Variants in TMTC1 observed in about 807,000 individuals in gnomAD.
TMTC1 encodes the protein protein O-mannosyl-transferase TMTC1.
A neutral mutation model predicts 104.8 loss-of-function variants in TMTC1; 73 were observed. The observed-to-expected ratio is 0.70, with a 90% CI of 0.58 to 0.85. The LOEUF (loss-of-function observed/expected upper bound fraction) is 0.85, where lower values mean the gene tolerates loss of function less well. TMTC1 is among the 40% of genes least tolerant of loss of function. The probability of loss-of-function intolerance (pLI) is 0.00; values close to 1 mark genes in which losing one functional copy is unlikely to be tolerated. For synonymous variants in TMTC1, 434 were observed against 428.7 expected (o/e 1.01, Z -0.15); for missense variants, 1,035 against 1,096.1 (o/e 0.94, Z 0.79).
intron 7 of TMTC1, among the ~76,000 whole-genome samples, chr12:29,597,002 C>G (rs1360470583): frequency 1.3e-5 from 2 of 152,160 alleles, no homozygotes; most frequent in East Asian, 3.9e-4. Flanking sequence ...GCTCAGTTCC[C>G]AAGTCTCGCT....
chr12:29,753,061 T>C (rs2136976662), intron 4 of TMTC1, among the ~76,000 whole-genome samples: 1 of 152,350 alleles, frequency 6.6e-6, no homozygotes, highest in African/African-American at 2.4e-5. Flanking sequence ...TCTTAAAATT[T>C]AGGAATAAAC....
intron 5 of TMTC1, among the ~76,000 whole-genome samples, chr12:29,738,002 C>T (rs752350386): frequency 2.0e-5 from 3 of 152,194 alleles, no homozygotes; most frequent in Non-Finnish European, 4.4e-5. Context: ...TTATCCACTC[C>T]CTTTCTTCTC....
At chr12:29,737,223 T>C (rs1371289911) in intron 5 of TMTC1, among the ~76,000 whole-genome samples, 1 of 152,096 alleles carries the variant, frequency 6.6e-6, no homozygotes, top group African/African-American at 2.4e-5. Flanking sequence ...GCACCCAACA[T>C]GCAAAACAGG....
intron 6 of TMTC1, among the ~76,000 whole-genome samples, chr12:29,628,284 C>T (rs372887160): frequency 6.6e-6 from 1 of 152,066 alleles, no homozygotes. Context: ...AAATATTATT[C>T]AGCCATGAAA....
chr12:29,573,313 C>A (rs912338961), intron 8 of TMTC1, among the ~76,000 whole-genome samples: 10 of 152,150 alleles, frequency 6.6e-5, no homozygotes, highest in African/African-American at 2.4e-4. Flanking sequence ...CAGGCCCAAG[C>A]AGAATCATTA....
intron 5 of TMTC1, among the ~76,000 whole-genome samples, chr12:29,743,723 T>G (rs1942883678): frequency 6.6e-6 from 1 of 152,048 alleles, no homozygotes; most frequent in African/African-American, 2.4e-5. Flanking sequence ...ATCCCCTGAG[T>G]GTTTACAATG....
At chr12:29,763,609 T>C (rs772479086) in intron 2 of TMTC1, among the ~76,000 whole-genome samples, 9 of 152,158 alleles carry the variant, frequency 5.9e-5, no homozygotes, top group Non-Finnish European at 1.2e-4. Flanking sequence ...ACAAGGAAAC[T>C]GCATGCATCA....
At chr12:29,587,354 G>T (rs191221946) in intron 7 of TMTC1, among the ~76,000 whole-genome samples, 1 of 148,864 alleles carries the variant, frequency 6.7e-6, no homozygotes. Flanking sequence ...ATTTTTTTTA[G>T]ACAGGGACTC....
At chr12:29,637,871 A>T (rs1278912475) in intron 5 of TMTC1, among the ~76,000 whole-genome samples, 1 of 152,186 alleles carries the variant, frequency 6.6e-6, no homozygotes, top group African/African-American at 2.4e-5. Context: ...TAAAAAAGTT[A>T]TTGCTCATAG....
chr12:29,529,806 A>C (rs909807797), intron 11 of TMTC1: 6 of 152,198 alleles, frequency 3.9e-5, no homozygotes, highest in African/African-American at 1.4e-4. Context: ...TTAATCTGGC[A>C]TTCTTCCCCA....
chr12:29,774,269 G>A (rs967117349), intron 1 of TMTC1, among the ~76,000 whole-genome samples: 4 of 151,976 alleles, frequency 2.6e-5, no homozygotes, highest in African/African-American at 4.8e-5. Flanking sequence ...TCTAAACTAG[G>A]GCCCAGAGAT....
intron 5 of TMTC1, among the ~76,000 whole-genome samples, chr12:29,750,062 TACACAC>T (rs34859060): frequency 0.076 from 11,168 of 146,592 alleles, 630 homozygotes; most frequent in African/African-American, 0.16. Context: ...TAACTGTCTA[TACACAC>T]ACACACACAC....
Position 29,690,698 on chromosome 12 carries a change from T to C in TMTC1, c.939-57362A>G, listed in dbSNP as rs1941240819. On this transcript the variant is annotated intron_variant, in intron 5 of 17. Transcript: ENST00000539277. The stretch of plus-strand genomic sequence containing the variant: ...ACAGAATTAAACATTGACAAATATT[T>C]GTGTTTTCCCTATTCTTTGTGTTTC... Among the ~76,000 whole-genome samples the C allele has an allele frequency of 3.9e-5, 6 of 152,364 alleles. No homozygotes were observed. In the South Asian group the frequency reaches 1.2e-3, roughly 32 times the overall value.
At chr12:29,663,372 C>T (rs10161153) in intron 5 of TMTC1, among the ~76,000 whole-genome samples, 21,017 of 152,066 alleles carry the variant, frequency 0.14, 1,591 homozygotes, top group South Asian at 0.22. Context: ...TAAAAAGGCA[C>T]TTTCTGGGGT....
At chr12:29,700,117 C>T (rs143580006) in intron 5 of TMTC1, among the ~76,000 whole-genome samples, 4 of 152,050 alleles carry the variant, frequency 2.6e-5, no homozygotes, top group African/African-American at 9.6e-5. Flanking sequence ...GGTGTGATCA[C>T]AGCTCACTGC....
chr12:29,578,369 T>C (rs1945882666), intron 8 of TMTC1, among the ~76,000 whole-genome samples: 1 of 152,168 alleles, frequency 6.6e-6, no homozygotes, highest in Non-Finnish European at 1.5e-5. Flanking sequence ...AGGCAACACT[T>C]TCCCTGGAAC....
chr12:29,672,523 TTTGTGCTCCAGA>T (rs1940556993), intron 5 of TMTC1, among the ~76,000 whole-genome samples: 1 of 152,108 alleles, frequency 6.6e-6, no homozygotes. Flanking sequence ...TAGGCTGGGG[TTTGTGCTCCAGA>T]TCCAGGCAGC....
chr12:29,518,652 TA>T (rs748977955), intron 12 of TMTC1, 45 bp from the exon 13 acceptor site: 2 of 1,600,416 alleles, frequency 1.2e-6, no homozygotes, highest in Non-Finnish European at 1.7e-6. Context: ...TGCCTTTTTA[TA>T]AAAGACATGA....
At chr12:29,696,437 G>A (rs1941426466) in intron 5 of TMTC1, among the ~76,000 whole-genome samples, 1 of 152,104 alleles carries the variant, frequency 6.6e-6, no homozygotes, top group South Asian at 2.1e-4. Flanking sequence ...CCCCACCTTT[G>A]AAATAGGAAC....
Sources: allele counts gnomAD v4.1 joint callset (sites outside exome capture counted in the v4.1 genomes callset), GRCh38; gene constraint gnomAD v4.1.1; transcripts MANE v1.5; gene names NCBI Gene and HGNC (gene_info 2026-07-23, HGNC 2026-07-21).